IMMP2L: variants seen among roughly 807,000 people sequenced by gnomAD.
The protein encoded by IMMP2L is inner mitochondrial membrane peptidase subunit 2, also known as mitochondrial inner membrane protease subunit 2.
IMMP2L carries 18 observed loss-of-function variants against 19.3 expected under a neutral mutation model. The ratio of observed to expected loss-of-function variants is 0.93; its 90% CI spans 0.64 to 1.38. IMMP2L has a LOEUF of 1.38. IMMP2L is among the 40% of genes most tolerant of loss of function. The pLI is 0.00. For missense variants in IMMP2L, 233 were observed against 218.2 expected (o/e 1.07, Z -0.43); for synonymous variants, 76 against 73.0 (o/e 1.04, Z -0.21).
chr7:111,518,237 A>G (rs1846036610), intron 2 of IMMP2L, among the ~76,000 whole-genome samples: 2 of 152,136 alleles, frequency 1.3e-5, no homozygotes, highest in South Asian at 4.2e-4. Flanking sequence ...TCCCCTAATC[A>G]CAAACCAACA....
At chr7:111,169,675 T>C (rs1458183388) in intron 3 of IMMP2L, among the ~76,000 whole-genome samples, 2 of 151,898 alleles carry the variant, frequency 1.3e-5, no homozygotes, top group East Asian at 1.9e-4. Context: ...AACACAGTCA[T>C]ACTAAATTAG....
At chr7:111,505,826 G>C (rs141506405) in intron 2 of IMMP2L, among the ~76,000 whole-genome samples, 9,893 of 152,076 alleles carry the variant, frequency 0.065, 450 homozygotes, top group Non-Finnish European at 0.093. Flanking sequence ...GTTGTGGGGT[G>C]GGGGGAGCGG....
rs57175268 is a variant in IMMP2L at position 111,057,417 on chromosome 7, CAAAA to C, written c.240-93856_240-93853del. On this transcript the variant is annotated intron_variant, in intron 3 of 5. Transcript: ENST00000405709. ...ATTCTTATTAATTATAGTCTAACAC[CAAAA>C]AAAAAAAACTCTTTTGTAAATCTTA... Among the ~76,000 whole-genome samples, 915 of 149,234 alleles carry C rather than the reference CAAAA, an allele frequency of 6.1e-3. 3 individuals carry two copies. The highest frequency in any genetic ancestry group is 0.01 in the Non-Finnish European group (698 of 67,122).
intron 4 of IMMP2L, among the ~76,000 whole-genome samples, chr7:110,937,619 C>A (rs1324722795): frequency 6.6e-6 from 1 of 152,118 alleles, no homozygotes; most frequent in Non-Finnish European, 1.5e-5. Flanking sequence ...TATGGTTCAA[C>A]CCCCATACAA....
At chr7:111,275,533 T>C (rs1818932411) in intron 3 of IMMP2L, among the ~76,000 whole-genome samples, 1 of 152,170 alleles carries the variant, frequency 6.6e-6, no homozygotes, top group Non-Finnish European at 1.5e-5. Context: ...CAAAATTCAC[T>C]TCTAACAAAT....
At chr7:111,260,841 A>G (rs1817241533) in intron 3 of IMMP2L, among the ~76,000 whole-genome samples, 1 of 152,120 alleles carries the variant, frequency 6.6e-6, no homozygotes. Flanking sequence ...CAAGCTTCCC[A>G]TTTGTGAATT....
rs1192474496 is a variant in IMMP2L, at chr7:111,285,968, A to G, written c.239+201270T>C. 3.3e-5 allele frequency among the ~76,000 whole-genome samples: 5 copies of G among 152,150 alleles called. 1 individual carries two copies. The highest frequency in any genetic ancestry group is 7.4e-5 in the Non-Finnish European group (5 of 68,026). Reference sequence around the variant, plus strand: ...TTATGTATGAAAACCAGTCACTATAATCCAAAACCAAGGAAGAAGGTTCAA... The same window carrying G: ...TTATGTATGAAAACCAGTCACTATAGTCCAAAACCAAGGAAGAAGGTTCAA... On this transcript the variant is annotated intron_variant, in intron 3 of 5. Coordinates refer to ENST00000405709, the MANE Select transcript of IMMP2L (RefSeq NM_032549.4).
At chr7:111,387,347 TTTCTG>T (rs1831861124) in intron 3 of IMMP2L, among the ~76,000 whole-genome samples, 1 of 152,182 alleles carries the variant, frequency 6.6e-6, no homozygotes, top group African/African-American at 2.4e-5. Flanking sequence ...TTAAACCAGC[TTTCTG>T]TGGTATCATC....
At chr7:111,473,991 A>C (rs1841499679) in intron 3 of IMMP2L, among the ~76,000 whole-genome samples, 1 of 152,172 alleles carries the variant, frequency 6.6e-6, no homozygotes, top group African/African-American at 2.4e-5. Context: ...ACACAGCCAT[A>C]AGAAAGGATG....
chr7:111,352,567 A>G (rs1828279903), intron 3 of IMMP2L, among the ~76,000 whole-genome samples: 1 of 152,038 alleles, frequency 6.6e-6, no homozygotes, highest in African/African-American at 2.4e-5. Context: ...AGCACCAAGT[A>G]TCAGAAAACA....
intron 3 of IMMP2L, among the ~76,000 whole-genome samples, chr7:111,131,386 T>G (rs1342433015): frequency 6.6e-6 from 1 of 152,004 alleles, no homozygotes; most frequent in African/African-American, 2.4e-5. Flanking sequence ...ATAAATATAT[T>G]ATTAACATAT....
chr7:110,936,465 G>GT (rs1816122424), intron 4 of IMMP2L, among the ~76,000 whole-genome samples: 1 of 152,144 alleles, frequency 6.6e-6, no homozygotes, highest in African/African-American at 2.4e-5. Flanking sequence ...ATCATCACTG[G>GT]TCATTAGAGA....
chr7:110,832,097 A>G (rs1277698134), intron 5 of IMMP2L, among the ~76,000 whole-genome samples: 1 of 152,088 alleles, frequency 6.6e-6, no homozygotes, highest in Non-Finnish European at 1.5e-5. Flanking sequence ...CCTCGTCTCT[A>G]CTAAAATACA....
intron 1 of IMMP2L, among the ~76,000 whole-genome samples, chr7:111,556,037 C>CATATATATATATATATATAT (rs1356609635): frequency 9.2e-6 from 1 of 108,236 alleles, no homozygotes; most frequent in Non-Finnish European, 1.8e-5. Context: ...TATATATATA[C>CATATATATATATATATATAT]ATACCCAAAG....
chr7:111,422,351 T>G (rs574115246), intron 3 of IMMP2L, among the ~76,000 whole-genome samples: 2 of 152,022 alleles, frequency 1.3e-5, no homozygotes, highest in South Asian at 4.1e-4. Context: ...TTCCTATCCA[T>G]GAGCAAGGGA....
intron 3 of IMMP2L, among the ~76,000 whole-genome samples, chr7:111,131,954 ATAAC>A (rs1271182696): frequency 3.9e-5 from 6 of 151,948 alleles, no homozygotes; most frequent in Admixed American, 3.9e-4. Flanking sequence ...ACTCACAACA[ATAAC>A]TAATAGGTGA....
At chr7:111,315,592 C>A (rs774023826) in intron 3 of IMMP2L, among the ~76,000 whole-genome samples, 26 of 152,128 alleles carry the variant, frequency 1.7e-4, no homozygotes, top group Non-Finnish European at 2.8e-4. Flanking sequence ...CTTTCTACCA[C>A]AGCTTCAGAC....
chr7:110,750,722 C>G (rs1797665816), intron 5 of IMMP2L, among the ~76,000 whole-genome samples: 1 of 151,926 alleles, frequency 6.6e-6, no homozygotes, highest in Non-Finnish European at 1.5e-5. Context: ...GTTAATGCTT[C>G]CCAAATACTG....
intron 5 of IMMP2L, among the ~76,000 whole-genome samples, chr7:110,726,424 G>A (rs1795888637): frequency 6.6e-6 from 1 of 152,162 alleles, no homozygotes; most frequent in African/African-American, 2.4e-5. Flanking sequence ...ATATTAAAAT[G>A]GAAGTTTTGG....
Sources: allele counts gnomAD v4.1 joint callset (sites outside exome capture counted in the v4.1 genomes callset), GRCh38; gene constraint gnomAD v4.1.1; transcripts MANE v1.5; gene names NCBI Gene and HGNC (gene_info 2026-07-23, HGNC 2026-07-21).